The following TRIM49 variants were observed in gnomAD, a reference collection of about 807,000 sequenced individuals.
The protein encoded by TRIM49 is tripartite motif-containing protein 49.
In TRIM49, 5 loss-of-function variants were observed where a neutral mutation model predicts 27.4. That is an observed-to-expected ratio of 0.18 (90% CI 0.10 to 0.38). TRIM49 has a LOEUF of 0.38. Ranked by LOEUF, TRIM49 falls within the 10% of genes least tolerant of loss-of-function variation. The pLI is 1.00. For synonymous variants in TRIM49, 69 were observed against 166.0 expected, an observed-to-expected ratio of 0.42 and a Z score of 4.49; for missense variants, 188 against 487.5, an observed-to-expected ratio of 0.39 and a Z score of 5.79.
At chr11:89,787,739 A>G in the TRIM49 span, 1 of 939,052 alleles carries the variant, frequency 1.1e-6, no homozygotes. Context: ...GTGGCATAAC[A>G]AGGTGGCCAA....
At chr11:89,790,564 G>T in the TRIM49 span, among the ~76,000 whole-genome samples, 2 of 152,002 alleles carry the variant, frequency 1.3e-5, no homozygotes, top group African/African-American at 4.8e-5. Flanking sequence ...CTAGAGGAAC[G>T]ATCAGGCAGC....
downstream of TRIM49, among the ~76,000 whole-genome samples, chr11:89,796,347 A>G (rs1244226311): frequency 6.7e-6 from 1 of 148,680 alleles, no homozygotes; most frequent in Non-Finnish European, 1.5e-5. Context: ...ATCGTGCTGC[A>G]TCAGCCCCCT....
At chr11:89,767,837 T>C in the TRIM49 span, among the ~76,000 whole-genome samples, 10 of 136,140 alleles carry the variant, frequency 7.3e-5, 1 homozygote, top group Non-Finnish European at 1.5e-4. Flanking sequence ...AAATCAGTCA[T>C]TAACTGCACT....
At chr11:89,793,026 G>A (rs1949665608), downstream of TRIM49, among the ~76,000 whole-genome samples, 2 of 151,844 alleles carry the variant, frequency 1.3e-5, no homozygotes. Flanking sequence ...AAAGAGAGAA[G>A]AATCAAATAG....
the TRIM49 span, among the ~76,000 whole-genome samples, chr11:89,790,648 T>A: frequency 9.2e-5 from 14 of 151,974 alleles, no homozygotes; most frequent in Non-Finnish European, 1.6e-4. Flanking sequence ...GTGTCTGGAG[T>A]GGACCTCCAG....
At chr11:89,794,575 A>G (rs537733015), downstream of TRIM49, among the ~76,000 whole-genome samples, 1 of 150,636 alleles carries the variant, frequency 6.6e-6, no homozygotes, top group Admixed American at 6.6e-5. Flanking sequence ...GCCCTCAGAA[A>G]TAATGCCACA....
At chr11:89,778,087 C>G in the TRIM49 span, 1 of 614,076 alleles carries the variant, frequency 1.6e-6, no homozygotes, top group Non-Finnish European at 2.7e-6. Flanking sequence ...TAGCTAAATT[C>G]AAACTACCAG....
At chr11:89,793,877 G>A (rs1949671749), downstream of TRIM49, among the ~76,000 whole-genome samples, 1 of 151,944 alleles carries the variant, frequency 6.6e-6, no homozygotes, top group Non-Finnish European at 1.5e-5. Flanking sequence ...AGTTTTGGAA[G>A]TTCTGGCCAG....
downstream of TRIM49, among the ~76,000 whole-genome samples, chr11:89,794,627 A>G (rs1226865119): frequency 4.7e-3 from 663 of 142,162 alleles, 1 homozygote; most frequent in Middle Eastern, 0.024. Context: ...GACAAAAACA[A>G]GCAATGGGGA....
chr11:89,770,822 C>T, the TRIM49 span, among the ~76,000 whole-genome samples: 75 of 144,072 alleles, frequency 5.2e-4, 3 homozygotes, highest in East Asian at 3.1e-3. Flanking sequence ...GCCAAGATTG[C>T]GCCACTGCAC....
At chr11:89,773,282 C>T in the TRIM49 span, among the ~76,000 whole-genome samples, 6 of 124,228 alleles carry the variant, frequency 4.8e-5, 2 homozygotes, top group African/African-American at 2.0e-4. Flanking sequence ...TAGTTATGTA[C>T]ATATATATGT....
chr11:89,796,111 C>G (rs1440542177), downstream of TRIM49, among the ~76,000 whole-genome samples: 2 of 151,906 alleles, frequency 1.3e-5, no homozygotes, highest in African/African-American at 4.8e-5. Flanking sequence ...TCCCAAGGCA[C>G]TTTTGTCTGG....
chr11:89,766,514 T>C, the TRIM49 span: 1 of 508,866 alleles, frequency 2.0e-6, no homozygotes, highest in Non-Finnish European at 3.3e-6. Flanking sequence ...CTGAAAAGTA[T>C]GATTTCTTTG....
At position 89,800,038 on chromosome 11, in the gene TRIM49, T is replaced by TTG. The variant is rs1353806557; in HGVS notation, c.762-226_762-225insCA. On this transcript the variant is annotated intron_variant, in intron 6 of 7. Coordinates refer to ENST00000329758, the MANE Select transcript of TRIM49 (RefSeq NM_020358.2). ...ATCTGATCCTTCTTTTTTTTTTTTT[T>TTG]GCTCCAAATGTGTAAGGTTCCTTAG... Among the ~76,000 whole-genome samples the TTG allele has an allele frequency of 1.2e-4, 18 of 150,110 alleles. 1 individual carries two copies. In the East Asian group the frequency reaches 3.3e-3, roughly 27 times the overall value.
At chr11:89,770,183 A>T in the TRIM49 span, among the ~76,000 whole-genome samples, 1 of 117,206 alleles carries the variant, frequency 8.5e-6, no homozygotes, top group Non-Finnish European at 1.6e-5. Flanking sequence ...TACACTTGAC[A>T]TATTTACCTT....
chr11:89,774,167 ATTTTT>A, the TRIM49 span, among the ~76,000 whole-genome samples: 1 of 150,222 alleles, frequency 6.7e-6, no homozygotes, highest in African/African-American at 2.5e-5. Context: ...AACTCGGCTA[ATTTTT>A]TGTATTTTTA....
chr11:89,782,093 G>C, the TRIM49 span: 2 of 1,550,166 alleles, frequency 1.3e-6, no homozygotes, highest in South Asian at 2.4e-5. Flanking sequence ...GATTCTGGGA[G>C]TCTGTCGAGA....
downstream of TRIM49, among the ~76,000 whole-genome samples, chr11:89,796,097 T>C (rs1949687094): frequency 6.6e-6 from 1 of 151,880 alleles, no homozygotes; most frequent in African/African-American, 2.4e-5. Context: ...ACTTTAAACT[T>C]ACTTCCCAAG....
chr11:89,802,891 T>C (rs1404324654), intron 4 of TRIM49, among the ~76,000 whole-genome samples: 1 of 149,390 alleles, frequency 6.7e-6, no homozygotes, highest in Non-Finnish European at 1.5e-5. Context: ...ACAATTTGAC[T>C]CTCTTATTTG....
Sources: allele counts gnomAD v4.1 joint callset (sites outside exome capture counted in the v4.1 genomes callset), GRCh38; gene constraint gnomAD v4.1.1; transcripts MANE v1.5; gene names NCBI Gene and HGNC (gene_info 2026-07-23, HGNC 2026-07-21).